Variants in WDR41 observed in about 807,000 individuals in gnomAD.
The protein encoded by WDR41 is WD repeat domain 41.
In WDR41, 63 loss-of-function variants were observed where a neutral mutation model predicts 69.3. That is an observed-to-expected ratio of 0.91 (90% CI 0.74 to 1.12). The LOEUF (loss-of-function observed/expected upper bound fraction) is 1.12, where lower values mean the gene tolerates loss of function less well. Ranked by LOEUF, WDR41 falls within the 50% of genes most tolerant of loss-of-function variation. The pLI, the probability that WDR41 is intolerant of heterozygous loss-of-function variation, is 0.00. For missense variants in WDR41, 543 were observed against 534.5 expected (o/e 1.02, Z -0.16); for synonymous variants, 185 against 192.1 (o/e 0.96, Z 0.31).
intron 1 of WDR41, among the ~76,000 whole-genome samples, chr5:77,600,507 T>C (rs1744303347): frequency 6.6e-6 from 1 of 152,140 alleles, no homozygotes; most frequent in Non-Finnish European, 1.5e-5. Context: ...ATATATTGAT[T>C]GTGGTGGTAG....
intron 1 of WDR41, among the ~76,000 whole-genome samples, chr5:77,589,139 G>T (rs1744091471): frequency 6.6e-6 from 1 of 152,174 alleles, no homozygotes; most frequent in Non-Finnish European, 1.5e-5. Flanking sequence ...GTCCTCTAAT[G>T]ACTGTGAAGC....
intron 12 of WDR41, 31 bp downstream of exon 12, chr5:77,436,230 G>T: frequency 6.3e-7 from 1 of 1,597,740 alleles, no homozygotes; most frequent in Non-Finnish European, 8.6e-7. Flanking sequence ...AGCAGGAGTT[G>T]CTTGGACATT....
chr5:77,433,565 C>T (rs2151280537), intron 12 of WDR41, among the ~76,000 whole-genome samples: 1 of 152,188 alleles, frequency 6.6e-6, no homozygotes, highest in South Asian at 2.1e-4. Context: ...TCTGATTTTT[C>T]AAGTATTGGT....
intron 7 of WDR41, among the ~76,000 whole-genome samples, chr5:77,450,959 A>G (rs1394979213): frequency 6.6e-6 from 1 of 152,206 alleles, no homozygotes; most frequent in East Asian, 1.9e-4. Context: ...TTTTCAGTCA[A>G]TAGAAAAGAG....
chr5:77,546,515 C>A (rs1485915165), intron 1 of WDR41, among the ~76,000 whole-genome samples: 1 of 151,974 alleles, frequency 6.6e-6, no homozygotes, highest in Non-Finnish European at 1.5e-5. Context: ...AACTAGAAAA[C>A]CTAGAAGAGA....
rs1190556910 is a variant in WDR41 at position 77,432,207 on chromosome 5, T to G, written c.*928A>C. 6.6e-6 allele frequency: 1 copy of G among 152,220 alleles called. No homozygotes were observed. The highest frequency in any genetic ancestry group is 6.5e-5 in the Admixed American group (1 of 15,284). 9.4% of individuals were successfully genotyped at this position (152,220 alleles called of 1,614,324 possible). A position where few individuals can be genotyped will look rare whatever the true frequency, so the allele number is the denominator to read the frequency against. On this transcript the variant is annotated 3_prime_UTR_variant, in exon 13 of 13. Coordinates refer to ENST00000296679, the MANE Select transcript of WDR41 (RefSeq NM_018268.4). ...CATCTGTCACGTTGCCCTTTCTTCA[T>G]CAGTAGTTTAAGAATTTCAATCTTT...
intron 1 of WDR41, among the ~76,000 whole-genome samples, chr5:77,544,523 TATATC>T (rs1412038824): frequency 6.6e-6 from 1 of 152,060 alleles, no homozygotes. Flanking sequence ...TAGCTGTTCT[TATATC>T]AGACACAACA....
At chr5:77,601,749 T>G (rs1048512487) in intron 1 of WDR41, among the ~76,000 whole-genome samples, 5 of 152,218 alleles carry the variant, frequency 3.3e-5, no homozygotes, top group Admixed American at 6.5e-5. Context: ...GGAAATAAAG[T>G]GAAACGTAAT....
At chr5:77,509,327 A>G (rs1802160547) in intron 1 of WDR41, among the ~76,000 whole-genome samples, 1 of 152,132 alleles carries the variant, frequency 6.6e-6, no homozygotes, top group Non-Finnish European at 1.5e-5. Context: ...TTCCCCTTTG[A>G]ATTCCCTGAA....
At chr5:77,435,640 TATTAGTTCTC>T (rs1222391340) in intron 12 of WDR41, among the ~76,000 whole-genome samples, 1 of 152,242 alleles carries the variant, frequency 6.6e-6, no homozygotes, top group East Asian at 1.9e-4. Context: ...ATTACACTGT[TATTAGTTCTC>T]ACAGCTAATC....
At chr5:77,492,514 G>A, upstream of WDR41, 2 of 371,316 alleles carry the variant, frequency 5.4e-6, no homozygotes, top group South Asian at 2.0e-4. Context: ...GAGTGAGCAC[G>A]CGCGGGAGCG....
intron 1 of WDR41, among the ~76,000 whole-genome samples, chr5:77,560,188 T>A (rs890304932): frequency 6.6e-6 from 1 of 152,158 alleles, no homozygotes; most frequent in Non-Finnish European, 1.5e-5. Context: ...TGGAATAAGA[T>A]TACCTTAATT....
At chr5:77,454,313 C>T (rs1403531223) in intron 5 of WDR41, among the ~76,000 whole-genome samples, 1 of 152,206 alleles carries the variant, frequency 6.6e-6, no homozygotes, top group Non-Finnish European at 1.5e-5. Context: ...GGCAGCTCCT[C>T]CACCGCAGTC....
chr5:77,598,644 C>CTTTTTTTTTTTTTTTTT (rs765785617), intron 1 of WDR41, among the ~76,000 whole-genome samples: 2 of 121,358 alleles, frequency 1.6e-5, no homozygotes, highest in Non-Finnish European at 1.8e-5. Context: ...AGTAAGTTTC[C>CTTTTTTTTTTTTTTTTT]TTTTTTTTTT....
At chr5:77,575,966 C>T (rs533957481) in intron 1 of WDR41, among the ~76,000 whole-genome samples, 1 of 152,250 alleles carries the variant, frequency 6.6e-6, no homozygotes, top group African/African-American at 2.4e-5. Context: ...CTGAGTACTC[C>T]GCTGACAGGC....
At chr5:77,564,308 CTT>C (rs1370356835) in intron 1 of WDR41, among the ~76,000 whole-genome samples, 1 of 152,140 alleles carries the variant, frequency 6.6e-6, no homozygotes, top group Non-Finnish European at 1.5e-5. Context: ...AATCTCAACA[CTT>C]TGAGTGGTGG....
At chr5:77,444,680 G>GC (rs1467138276) in intron 8 of WDR41, among the ~76,000 whole-genome samples, 1 of 152,238 alleles carries the variant, frequency 6.6e-6, no homozygotes. Context: ...CAGAGCTCCT[G>GC]CAAGTGAAGC....
intron 1 of WDR41, among the ~76,000 whole-genome samples, chr5:77,613,201 T>C (rs1744599748): frequency 6.6e-6 from 1 of 152,172 alleles, no homozygotes; most frequent in Non-Finnish European, 1.5e-5. Flanking sequence ...ATCAATATCA[T>C]GAAAATGGCC....
chr5:77,556,204 A>C (rs894096062), intron 1 of WDR41, among the ~76,000 whole-genome samples: 1 of 149,536 alleles, frequency 6.7e-6, no homozygotes, highest in Non-Finnish European at 1.5e-5. Context: ...CCCGGGTTCA[A>C]GCAATTCTCC....
Sources: gnomAD v4.1 joint callset for allele counts (sites outside exome capture counted in the v4.1 genomes callset) on GRCh38, gnomAD v4.1.1 for gene constraint, MANE v1.5 for transcripts, NCBI Gene and HGNC (gene_info 2026-07-23, HGNC 2026-07-21) for gene names.